MINAR1: variants seen among roughly 807,000 people sequenced by gnomAD.
MINAR1 encodes the protein membrane integral NOTCH2 associated receptor 1, also known as major intrinsically disordered Notch2-binding receptor 1.
MINAR1 carries 40 observed loss-of-function variants against 65.1 expected under a neutral mutation model. That is an observed-to-expected ratio of 0.61 (90% CI 0.48 to 0.80). The LOEUF is 0.80. MINAR1 is among the 30% of genes least tolerant of loss of function. The pLI is 0.00. For synonymous variants in MINAR1, 482 were observed against 449.1 expected (o/e 1.07, Z -0.93); for missense variants, 1,128 against 1,148.0 (o/e 0.98, Z 0.25).
rs746088627 is a variant in MINAR1 at position 79,456,273 on chromosome 15, G to A, written c.126G>A (p.Gln42=). The A allele has an allele frequency of 6.2e-7, 1 of 1,614,138 alleles. No individual in the cohort carries two copies. Among genetic ancestry groups the A allele is most frequent in the South Asian group, 1.1e-5 (1 of 91,076 alleles). Residue 42 remains glutamine (Q), a synonymous_variant, in exon 2 of 4, where the codon CAG becomes CAA. Transcript: ENST00000305428. ...KSLCARFDLS[Q]LAKLRSVLFY... ...TCTGTGCCCGGTTCGACCTGTCGCA[G>A]CTTGCCAAACTGAGAAGTGTGCTCT...
In MINAR1 at chr15:79,468,254, A is replaced by C. The variant is rs1253065159; in HGVS notation, c.2621A>C (p.Asp874Ala). 5 of 1,614,046 alleles carry C rather than the reference A, an allele frequency of 3.1e-6. No individual in the cohort carries two copies. Among genetic ancestry groups the C allele is most frequent in the Non-Finnish European group, 4.2e-6 (5 of 1,179,922 alleles). ...WMEDIYTPGY[D>A]SLLKRKEAEF... ...GAAGACATTTATACTCCAGGATACGATTCATTACTAAAACGTAAAGAAGCC... is the reference window on the plus strand; with the variant it reads ...GAAGACATTTATACTCCAGGATACGCTTCATTACTAAAACGTAAAGAAGCC... The change falls in exon 4 of 4, where the codon GAT becomes GCT. Residue 874 changes from aspartate to alanine, a missense_variant. Coordinates refer to ENST00000305428, the MANE Select transcript of MINAR1 (RefSeq NM_015206.3).
In MINAR1 at chr15:79,463,773, C is replaced by A. The variant is rs541012142; in HGVS notation, c.2553+452C>A. ...GGAGCAGCCCCAGGTAAGAGCCATC[C>A]CCGGAAGCTCTGTGAATGCAGTTGT... On this transcript the variant is annotated intron_variant, in intron 3 of 3. Transcript: ENST00000305428. 225 of 457,320 alleles carry A rather than the reference C, an allele frequency of 4.9e-4. 1 individual carries two copies. The highest frequency in any genetic ancestry group is 7.5e-4 in the Non-Finnish European group (170 of 227,830). 28.3% of individuals were successfully genotyped at this position (457,320 alleles called of 1,614,324 possible). A position where few individuals can be genotyped will look rare whatever the true frequency, so the allele number is the denominator to read the frequency against.
upstream of MINAR1, among the ~76,000 whole-genome samples, chr15:79,427,805 C>T (rs1894346385): frequency 6.6e-6 from 1 of 152,156 alleles, no homozygotes; most frequent in South Asian, 2.1e-4. Context: ...ATCTAAAAAA[C>T]TCTGGGTTCA....
At chr15:79,451,390 G>C (rs1313617802) in intron 1 of MINAR1, among the ~76,000 whole-genome samples, 1 of 152,192 alleles carries the variant, frequency 6.6e-6, no homozygotes, top group Non-Finnish European at 1.5e-5. Context: ...GGAGACTCTG[G>C]GACCTGGCGA....
Position 79,471,269 on chromosome 15 carries a change from C to T in MINAR1, c.*2885C>T, listed in dbSNP as rs867488666. 1 of 152,278 alleles carries T rather than the reference C, an allele frequency of 6.6e-6. No homozygotes were observed. The highest frequency in any genetic ancestry group is 1.9e-4 in the East Asian group (1 of 5,196). The allele number at this position is 152,278 out of a possible 1,614,324, so 9.4% of individuals were successfully genotyped here. ...CGTTATCAAAATTCACTTCGTTTTT[C>T]CTGCATTTTAAAAGTAATAAAATAT... is the stretch of plus-strand genomic sequence containing the variant. On this transcript the variant is annotated 3_prime_UTR_variant, in exon 4 of 4. Transcript: ENST00000305428.
Position 79,472,161 on chromosome 15 carries a change from A to G in MINAR1, c.*3777A>G, listed in dbSNP as rs746389516. On this transcript the variant is annotated 3_prime_UTR_variant, in exon 4 of 4. Transcript: ENST00000305428. Reference sequence around the variant, plus strand: ...GTGCTTGATAAATGTTATGTTATATAATACCAATAACTAAGCACATTTTTA... The same window carrying G: ...GTGCTTGATAAATGTTATGTTATATGATACCAATAACTAAGCACATTTTTA... The G allele has an allele frequency of 2.0e-5, 3 of 152,538 alleles. No individual in the cohort carries two copies. Among genetic ancestry groups the G allele is most frequent in the Middle Eastern group, 3.2e-3 (1 of 316 alleles). 9.4% of individuals were successfully genotyped at this position (152,538 alleles called of 1,614,324 possible).
the MINAR1 span, chr15:79,411,739 G>A: frequency 4.2e-6 from 2 of 473,300 alleles, no homozygotes; most frequent in Admixed American, 3.3e-5. Flanking sequence ...TGAGCTGGCA[G>A]GGAGAGTTGC....
chr15:79,431,567 G>T (rs1056961434), upstream of MINAR1, among the ~76,000 whole-genome samples: 1 of 152,088 alleles, frequency 6.6e-6, no homozygotes, highest in African/African-American at 2.4e-5. Flanking sequence ...TTCCAATCTG[G>T]ATCCCAATTA....
At chr15:79,464,545 T>C (rs1480247556) in intron 3 of MINAR1, among the ~76,000 whole-genome samples, 1 of 152,250 alleles carries the variant, frequency 6.6e-6, no homozygotes, top group African/African-American at 2.4e-5. Context: ...GCAATAAGTC[T>C]CATGGTCTTT....
the MINAR1 span, chr15:79,418,249 C>T: frequency 6.6e-6 from 1 of 152,116 alleles, no homozygotes; most frequent in Non-Finnish European, 1.5e-5. Context: ...ATCATCTTGC[C>T]CAGATCTTCC....
At chr15:79,454,684 G>T (rs1895350342) in intron 1 of MINAR1, among the ~76,000 whole-genome samples, 1 of 152,074 alleles carries the variant, frequency 6.6e-6, no homozygotes, top group African/African-American at 2.4e-5. Flanking sequence ...TTATTGTTTG[G>T]TGCTTACAAA....
Position 79,468,441 on chromosome 15 carries a change from T to TA in MINAR1, c.*58dup. The TA allele has an allele frequency of 6.7e-7, 1 of 1,497,588 alleles. No individual in the cohort carries two copies. The highest frequency in any genetic ancestry group is 9.1e-7 in the Non-Finnish European group (1 of 1,093,554). The allele number at this position is 1,497,588 out of a possible 1,614,324, so 92.8% of individuals were successfully genotyped here. A position where few individuals can be genotyped will look rare whatever the true frequency, so the allele number is the denominator to read the frequency against. On this transcript the variant is annotated 3_prime_UTR_variant, in exon 4 of 4. Coordinates refer to ENST00000305428, the MANE Select transcript of MINAR1 (RefSeq NM_015206.3). The stretch of plus-strand genomic sequence containing the variant: ...ACTACCAATGTCGTCGTCTGTATCT[T>TA]AGAATCTTGCAGCAGTGAGGCAACA...
intron 1 of MINAR1, among the ~76,000 whole-genome samples, chr15:79,448,781 T>C (rs2141285734): frequency 6.6e-6 from 1 of 152,314 alleles, no homozygotes; most frequent in Non-Finnish European, 1.5e-5. Flanking sequence ...AAGGGAAGAT[T>C]AGATTTCTAA....
chr15:79,444,701 G>C (rs920582233), intron 1 of MINAR1, among the ~76,000 whole-genome samples: 1 of 151,308 alleles, frequency 6.6e-6, no homozygotes, highest in Admixed American at 6.6e-5. Flanking sequence ...ATTGAGACCT[G>C]TATGTTTAAA....
chr15:79,444,823 C>T (rs1472351937), intron 1 of MINAR1, among the ~76,000 whole-genome samples: 2 of 150,146 alleles, frequency 1.3e-5, no homozygotes, highest in Non-Finnish European at 3.0e-5. Flanking sequence ...AAATTTGTAT[C>T]ATAATATGTG....
Position 79,468,548 on chromosome 15 carries a change from G to C in MINAR1, c.*164G>C. On this transcript the variant is annotated 3_prime_UTR_variant, in exon 4 of 4. Transcript: ENST00000305428. ...TGGTTTTCAGAAAGTATACATTCTA[G>C]TGAGAAATCTACCTACCTATTAGCT... The C allele has an allele frequency of 1.6e-6, 1 of 644,020 alleles. No individual in the cohort carries two copies. The highest frequency in any genetic ancestry group is 2.6e-6 in the Non-Finnish European group (1 of 377,586). The allele number at this position is 644,020 out of a possible 1,614,324, so 39.9% of individuals were successfully genotyped here. A position where few individuals can be genotyped will look rare whatever the true frequency, so the allele number is the denominator to read the frequency against.
In MINAR1 at chr15:79,463,256, T is replaced by C. The variant is rs199625608; in HGVS notation, c.2488T>C (p.Trp830Arg). 2.7e-4 allele frequency: 431 copies of C among 1,614,186 alleles called. 2 individuals carry two copies. Among genetic ancestry groups the C allele is most frequent in the South Asian group, 1.1e-3 (103 of 91,084 alleles). The change falls in exon 3 of 4, where the codon TGG (tryptophan) becomes CGG (arginine). Residue 830 changes from tryptophan to arginine, a missense_variant. By Grantham distance (101) the Trp-to-Arg change is moderately radical. Coordinates refer to ENST00000305428, the MANE Select transcript of MINAR1 (RefSeq NM_015206.3). The stretch of plus-strand genomic sequence containing the variant: ...CGAGGTGAAGCGGGGCCAACCTTCT[T>C]GGACCATTGAGGAGTATGCACGGAA... ...LAEVKRGQPSWTIEEYARNAG... is the reference protein window; with the variant it reads ...LAEVKRGQPSRTIEEYARNAG...
rs942271542 is a variant in MINAR1 at position 79,468,741 on chromosome 15, C to G, written c.*357C>G. The G allele has an allele frequency of 3.7e-6, 1 of 271,410 alleles. No individual in the cohort carries two copies. The highest frequency in any genetic ancestry group is 2.2e-5 in the African/African-American group (1 of 45,306). The allele number at this position is 271,410 out of a possible 1,614,324, so 16.8% of individuals were successfully genotyped here. On this transcript the variant is annotated 3_prime_UTR_variant, in exon 4 of 4. Transcript: ENST00000305428. ...GTTTCATGGTGGGGAATAAGTTATA[C>G]AGAAGATATTTAATACACGCCTCTT...
Position 79,457,991 on chromosome 15 carries a change from G to A in MINAR1, c.1844G>A (p.Gly615Asp), listed in dbSNP as rs777094444. ...GAACGGAAGCTGGAATCCCTGTCGG[G>A]TGTCCGTGATGAAATCTCCCAGGTC... is the stretch of plus-strand genomic sequence containing the variant. Reference protein sequence around the residue: ...EIERKLESLSGVRDEISQVLG... With the variant: ...EIERKLESLSDVRDEISQVLG... Residue 615 changes from glycine (G) to aspartate (D), a missense_variant, in exon 2 of 4, where the codon GGT (glycine) becomes GAT (aspartate). Transcript: ENST00000305428. 2 of 1,614,120 alleles carry A rather than the reference G, an allele frequency of 1.2e-6. No individual in the cohort carries two copies. The highest frequency in any genetic ancestry group is 1.6e-4 in the Middle Eastern group (1 of 6,062).
Sources: gnomAD v4.1 joint callset for allele counts (sites outside exome capture counted in the v4.1 genomes callset) on GRCh38, gnomAD v4.1.1 for gene constraint, MANE v1.5 for transcripts, NCBI Gene and HGNC (gene_info 2026-07-23, HGNC 2026-07-21) for gene names.